ZWILCH: variants seen among roughly 807,000 people sequenced by gnomAD.
ZWILCH encodes the protein protein zwilch homolog.
ZWILCH carries 74 observed loss-of-function variants against 79.9 expected under a neutral mutation model. The ratio of observed to expected loss-of-function variants is 0.93; its 90% CI spans 0.77 to 1.12. The LOEUF (loss-of-function observed/expected upper bound fraction) is 1.12, where lower values mean the gene tolerates loss of function less well. ZWILCH is among the 50% of genes most tolerant of loss of function. ZWILCH has a pLI of 0.00. For missense variants in ZWILCH, 694 were observed against 687.5 expected (o/e 1.01, Z -0.11); for synonymous variants, 241 against 228.2 (o/e 1.06, Z -0.51).
chr15:66,540,138 C>A lies in ZWILCH; in HGVS notation c.1615C>A (p.Gln539Lys). Residue 539 changes from glutamine to lysine, a missense_variant, in exon 17 of 19, where the codon CAA becomes AAA. Transcript: ENST00000307897. The stretch of plus-strand genomic sequence containing the variant: ...ATGGAGAGTGGAAATATATAGTGGT[C>A]AAAAGAAGATTAAGACAGTTTGGCA... The part of the protein sequence containing the change: ...QKWRVEIYSG[Q>K]KKIKTVWQLS... The A allele has an allele frequency of 6.2e-7, 1 of 1,613,218 alleles. No individual in the cohort carries two copies. The highest frequency in any genetic ancestry group is 1.1e-5 in the South Asian group (1 of 91,000).
chr15:66,511,638 A>G (rs1347578794), intron 2 of ZWILCH, among the ~76,000 whole-genome samples: 1 of 151,468 alleles, frequency 6.6e-6, no homozygotes, highest in Non-Finnish European at 1.5e-5. Flanking sequence ...TTTTTATTTG[A>G]GATGGAGTCA....
Position 66,549,294 on chromosome 15 carries a change from T to C in ZWILCH, c.*970T>C, listed in dbSNP as rs1220780890. 1 of 152,202 alleles carries C rather than the reference T, an allele frequency of 6.6e-6. No individual in the cohort carries two copies. The highest frequency in any genetic ancestry group is 1.5e-5 in the Non-Finnish European group (1 of 68,042). The allele number at this position is 152,202 out of a possible 1,614,324, so 9.4% of individuals were successfully genotyped here. ...TTAATGGAATATACATTCTTAGTAT[T>C]GCCTGATTATTTAAATTTGTTGAGG... On this transcript the variant is annotated 3_prime_UTR_variant, in exon 19 of 19. Transcript: ENST00000307897.
intron 1 of ZWILCH, 91 bp downstream of exon 1, chr15:66,505,482 T>C (rs1893777193): frequency 6.7e-7 from 1 of 1,499,396 alleles, no homozygotes; most frequent in South Asian, 1.1e-5. Context: ...CTTGCCACTC[T>C]GGGGATCAGC....
intron 4 of ZWILCH, among the ~76,000 whole-genome samples, chr15:66,518,071 C>T (rs895841043): frequency 1.2e-4 from 18 of 152,038 alleles, no homozygotes; most frequent in African/African-American, 4.1e-4. Flanking sequence ...CACATCCTAC[C>T]TCTTCAACTT....
In ZWILCH at chr15:66,509,020, A is replaced by G. The variant is rs1893929776; in HGVS notation, c.105+128A>G. On this transcript the variant is annotated intron_variant, in intron 2 of 18. Transcript: ENST00000307897. ...AGTGGCGCGATCTCGGCTCACTGCA[A>G]GCTCCGGCTCCCGGGTTCACGCCAT... 3 of 941,830 alleles carry G rather than the reference A, an allele frequency of 3.2e-6. No individual in the cohort carries two copies. In the Admixed American group the frequency reaches 7.6e-5, roughly 24 times the overall value. 58.3% of individuals were successfully genotyped at this position (941,830 alleles called of 1,614,324 possible).
chr15:66,544,622 G>A (rs1324250025), intron 17 of ZWILCH, among the ~76,000 whole-genome samples: 1 of 151,966 alleles, frequency 6.6e-6, no homozygotes, highest in South Asian at 2.1e-4. Flanking sequence ...TTACAGGTGC[G>A]AACTACTACT....
At chr15:66,527,158 C>G (rs1894701429) in intron 8 of ZWILCH, 132 bp from the exon 9 acceptor site, 2 of 659,296 alleles carry the variant, frequency 3.0e-6, no homozygotes, top group Non-Finnish European at 5.4e-6. Flanking sequence ...ACATAAAGCA[C>G]CACAGCAGTA....
chr15:66,520,661 G>C lies in ZWILCH; in HGVS notation c.591+1G>C, dbSNP rs377504259. 8.4e-6 allele frequency: 13 copies of C among 1,547,760 alleles called. No individual in the cohort carries two copies. Among genetic ancestry groups the C allele is most frequent in the South Asian group, 6.9e-5 (6 of 86,968 alleles). ...CAAGAAAAGACATCACTTGTCTACT[G>C]TAAGTGTTTTGCTTCTACTCATATT... On this transcript the variant is annotated splice_donor_variant, in intron 6 of 18. Transcript: ENST00000307897. LOFTEE classifies it high-confidence loss of function.
intron 2 of ZWILCH, among the ~76,000 whole-genome samples, chr15:66,513,681 C>T (rs953277888): frequency 6.6e-6 from 1 of 151,876 alleles, no homozygotes; most frequent in Non-Finnish European, 1.5e-5. Flanking sequence ...ACACCATTCT[C>T]CTGCCTCAGC....
intron 17 of ZWILCH, 42 bp from the exon 18 acceptor site, chr15:66,546,548 AG>A (rs1895375074): frequency 1.5e-6 from 2 of 1,374,012 alleles, no homozygotes; most frequent in Admixed American, 1.9e-5. Context: ...GTAGAAAAGC[AG>A]GGTGTTAAGC....
chr15:66,543,135 G>A (rs1346194994), intron 17 of ZWILCH, among the ~76,000 whole-genome samples: 1 of 152,202 alleles, frequency 6.6e-6, no homozygotes. Context: ...GGAGTGGGGG[G>A]CTGCAATGAG....
chr15:66,515,701 C>A, intron 4 of ZWILCH, 57 bp downstream of exon 4: 2 of 1,238,530 alleles, frequency 1.6e-6, no homozygotes, highest in Non-Finnish European at 2.4e-6. Flanking sequence ...TTGAAACATT[C>A]TTATAAACGT....
intron 12 of ZWILCH, 30 bp from the exon 13 acceptor site, chr15:66,532,217 A>G (rs774616888): frequency 5.3e-6 from 8 of 1,519,222 alleles, no homozygotes; most frequent in Non-Finnish European, 6.2e-6. Context: ...ATATTTATTC[A>G]TGGTTTTATA....
intron 16 of ZWILCH, among the ~76,000 whole-genome samples, chr15:66,539,737 T>C (rs1328648788): frequency 6.6e-6 from 1 of 152,176 alleles, no homozygotes; most frequent in African/African-American, 2.4e-5. Flanking sequence ...ATTTCATTCC[T>C]TCATCCTGGA....
chr15:66,532,878 GTAATT>G (rs1894896980), intron 13 of ZWILCH, 102 bp from the exon 14 acceptor site: 4 of 766,738 alleles, frequency 5.2e-6, no homozygotes, highest in Middle Eastern at 4.3e-4. Flanking sequence ...TCCTTAATAT[GTAATT>G]TAAGAATTTA....
chr15:66,515,570 T>C lies in ZWILCH; in HGVS notation c.246T>C (p.Ser82=), dbSNP rs1894220987. The change falls in exon 4 of 19, where the codon TCT becomes TCC. Residue 82 remains serine, a synonymous_variant. Transcript: ENST00000307897. ...CAAGTCATATTGAAGAACTTCAATC[T>C]GAAGAAACTGCCATATCTGATTTCT... ...EETSHIEELQ[S]EETAISDFST... 1 of 1,612,528 alleles carries C rather than the reference T, an allele frequency of 6.2e-7. No homozygotes were observed. Among genetic ancestry groups the C allele is most frequent in the South Asian group, 1.1e-5 (1 of 90,454 alleles).
At chr15:66,537,400 A>C in intron 16 of ZWILCH, 137 bp downstream of exon 16, 1 of 552,680 alleles carries the variant, frequency 1.8e-6, no homozygotes. Context: ...TCTATTAAAA[A>C]ATAATAATAG....
At chr15:66,520,550 T>G in intron 5 of ZWILCH, 40 bp from the exon 6 acceptor site, 2 of 1,053,890 alleles carry the variant, frequency 1.9e-6, no homozygotes, top group Non-Finnish European at 2.9e-6. Flanking sequence ...AATGTAATTT[T>G]GAGTTGTGCC....
intron 14 of ZWILCH, among the ~76,000 whole-genome samples, chr15:66,535,691 G>A (rs1485083667): frequency 6.1e-5 from 9 of 148,192 alleles, no homozygotes; most frequent in African/African-American, 9.9e-5. Context: ...AAAAAAAAAA[G>A]ACCACTGTAA....
Sources: allele counts gnomAD v4.1 joint callset (sites outside exome capture counted in the v4.1 genomes callset), GRCh38; gene constraint gnomAD v4.1.1; transcripts MANE v1.5; gene names NCBI Gene and HGNC (gene_info 2026-07-23, HGNC 2026-07-21).